Variants in ZCCHC17 observed in about 807,000 individuals in gnomAD.
ZCCHC17 encodes the protein zinc finger CCHC-type containing 17, also known as zinc finger CCHC domain-containing protein 17.
A neutral mutation model predicts 30.6 loss-of-function variants in ZCCHC17; 18 were observed. The observed-to-expected ratio is 0.59, with a 90% CI of 0.41 to 0.87. ZCCHC17 has a LOEUF of 0.87. ZCCHC17 is among the 40% of genes least tolerant of loss of function. ZCCHC17 has a pLI of 0.00. For missense variants in ZCCHC17, 263 were observed against 284.2 expected (o/e 0.93, Z 0.54); for synonymous variants, 88 against 92.4 (o/e 0.95, Z 0.27).
chr1:31,326,729 G>A (rs1638359445), intron 3 of ZCCHC17, among the ~76,000 whole-genome samples: 1 of 152,182 alleles, frequency 6.6e-6, no homozygotes, highest in Non-Finnish European at 1.5e-5. Flanking sequence ...TGACAGCTGG[G>A]CTGAGGCAAG....
intron 5 of ZCCHC17, 71 bp from the exon 6 acceptor site, chr1:31,346,569 C>A (rs1051795009): frequency 1.4e-6 from 2 of 1,475,100 alleles, no homozygotes; most frequent in African/African-American, 2.8e-5. Flanking sequence ...AACCAACATA[C>A]AACCTTACCT....
At chr1:31,319,211 T>C (rs756491160) in intron 3 of ZCCHC17, 45 bp downstream of exon 3, 3 of 1,502,276 alleles carry the variant, frequency 2.0e-6, no homozygotes, top group Non-Finnish European at 2.8e-6. Flanking sequence ...TTCTACTCTC[T>C]GCTAACACTC....
rs762090937 is a variant in ZCCHC17, at chr1:31,310,191, C to T, written c.66+27C>T. On this transcript the variant is annotated intron_variant, in intron 2 of 7. Coordinates refer to ENST00000344147, the MANE Select transcript of ZCCHC17 (RefSeq NM_016505.4). ...TATATTCTTTTGTGCTTTGAAAACC[C>T]ACCATTTATGTTAAAATAGATTAAG... The T allele has an allele frequency of 6.2e-6, 10 of 1,610,160 alleles. No homozygotes were observed. In the African/African-American group the frequency reaches 1.2e-4, roughly 19 times the overall value.
At chr1:31,321,595 T>C (rs1271904726) in intron 3 of ZCCHC17, among the ~76,000 whole-genome samples, 1 of 152,134 alleles carries the variant, frequency 6.6e-6, no homozygotes, top group African/African-American at 2.4e-5. Context: ...ATGCCTCAGC[T>C]TCCTGAGTAG....
intron 5 of ZCCHC17, 42 bp downstream of exon 5, chr1:31,339,090 C>A (rs771784292): frequency 1.4e-6 from 2 of 1,459,680 alleles, no homozygotes; most frequent in Non-Finnish European, 1.9e-6. Context: ...TTCTGCCTCC[C>A]AAATCATAAA....
chr1:31,362,773 G>C (rs982465564), intron 7 of ZCCHC17, among the ~76,000 whole-genome samples: 1 of 152,156 alleles, frequency 6.6e-6, no homozygotes, highest in Non-Finnish European at 1.5e-5. Context: ...ACTGTTTCTA[G>C]ATAGACTGGC....
intron 7 of ZCCHC17, among the ~76,000 whole-genome samples, chr1:31,361,829 T>A (rs1006566253): frequency 1.6e-4 from 21 of 133,384 alleles, no homozygotes; most frequent in Admixed American, 1.1e-3. Flanking sequence ...TTATTTATTT[T>A]GAGACAGGGT....
chr1:31,318,726 A>T (rs1646792080), intron 2 of ZCCHC17, among the ~76,000 whole-genome samples: 2 of 152,186 alleles, frequency 1.3e-5, no homozygotes, highest in Non-Finnish European at 2.9e-5. Flanking sequence ...CCTAGCTAAT[A>T]TAAAATATAA....
intron 1 of ZCCHC17, among the ~76,000 whole-genome samples, chr1:31,308,721 A>G (rs1309417891): frequency 6.6e-6 from 1 of 152,238 alleles, no homozygotes; most frequent in African/African-American, 2.4e-5. Context: ...CTCTAAGGTA[A>G]GTATCCAAAG....
chr1:31,329,380 A>G (rs6425742), intron 3 of ZCCHC17, among the ~76,000 whole-genome samples: 118,963 of 152,076 alleles, frequency 0.78, 46,947 homozygotes, highest in African/African-American at 0.84. Context: ...GTCTTCTGCC[A>G]TCCAGCACTA....
At chr1:31,307,938 T>G (rs1270177756) in intron 1 of ZCCHC17, among the ~76,000 whole-genome samples, 4 of 152,216 alleles carry the variant, frequency 2.6e-5, no homozygotes, top group Non-Finnish European at 4.4e-5. Flanking sequence ...TTTAGATGTT[T>G]CAGCTGCTGG....
chr1:31,303,121 CAA>C (rs576910578), intron 1 of ZCCHC17, among the ~76,000 whole-genome samples: 2 of 137,618 alleles, frequency 1.5e-5, no homozygotes, highest in African/African-American at 2.6e-5. Flanking sequence ...TACCCCCCCT[CAA>C]AAAAAAAAAA....
chr1:31,359,475 G>A (rs917568517), intron 7 of ZCCHC17, among the ~76,000 whole-genome samples: 1 of 151,672 alleles, frequency 6.6e-6, no homozygotes, highest in Non-Finnish European at 1.5e-5. Context: ...CCAGTGAGCC[G>A]AGATCACACC....
chr1:31,327,577 C>T (rs1193851169), intron 3 of ZCCHC17, among the ~76,000 whole-genome samples: 1 of 152,242 alleles, frequency 6.6e-6, no homozygotes, highest in Non-Finnish European at 1.5e-5. Context: ...CACATTCCAT[C>T]TGGGACTTGA....
intron 7 of ZCCHC17, among the ~76,000 whole-genome samples, chr1:31,361,225 TC>T (rs1639878903): frequency 6.6e-6 from 1 of 152,228 alleles, no homozygotes; most frequent in African/African-American, 2.4e-5. Context: ...TTGCCTTCTC[TC>T]TACTCCATTG....
At chr1:31,360,424 C>T (rs1371231780) in intron 7 of ZCCHC17, among the ~76,000 whole-genome samples, 2 of 152,244 alleles carry the variant, frequency 1.3e-5, no homozygotes, top group East Asian at 1.9e-4. Context: ...CCACCTTGGC[C>T]TCCCAAAGTG....
intron 7 of ZCCHC17, among the ~76,000 whole-genome samples, chr1:31,360,401 T>C (rs1364217168): frequency 1.3e-5 from 2 of 152,244 alleles, no homozygotes; most frequent in Non-Finnish European, 2.9e-5. Flanking sequence ...CCTCCTGACC[T>C]CAGGTGATCC....
chr1:31,328,951 G>A (rs2148441338), intron 3 of ZCCHC17, among the ~76,000 whole-genome samples: 1 of 152,146 alleles, frequency 6.6e-6, no homozygotes, highest in African/African-American at 2.4e-5. Context: ...GGGATCAGTT[G>A]AGCCGTCCAG....
At chr1:31,363,409 T>C (rs1314686798) in intron 7 of ZCCHC17, among the ~76,000 whole-genome samples, 3 of 152,200 alleles carry the variant, frequency 2.0e-5, no homozygotes, top group African/African-American at 7.2e-5. Context: ...GGTCTCGATC[T>C]CCTGACCTCG....
Sources: gnomAD v4.1 joint callset for allele counts (sites outside exome capture counted in the v4.1 genomes callset) on GRCh38, gnomAD v4.1.1 for gene constraint, MANE v1.5 for transcripts, NCBI Gene and HGNC (gene_info 2026-07-23, HGNC 2026-07-21) for gene names.